CNTNAP2: variants seen among roughly 807,000 people sequenced by gnomAD.
The protein encoded by CNTNAP2 is contactin associated protein 2.
CNTNAP2 carries 98 observed loss-of-function variants against 155.2 expected under a neutral mutation model. The observed-to-expected ratio is 0.63, with a 90% CI of 0.54 to 0.75. The LOEUF is 0.75. CNTNAP2 is among the 30% of genes least tolerant of loss of function. The pLI is 0.00. For synonymous variants in CNTNAP2, 651 were observed against 631.2 expected (o/e 1.03, Z -0.47); for missense variants, 1,727 against 1,688.1 (o/e 1.02, Z -0.40).
At chr7:148,274,324 T>C (rs1796834008) in intron 21 of CNTNAP2, among the ~76,000 whole-genome samples, 1 of 151,956 alleles carries the variant, frequency 6.6e-6, no homozygotes, top group Non-Finnish European at 1.5e-5. Context: ...TGGCCTGTCC[T>C]GACTGAGGCA....
At chr7:146,986,237 G>A (rs1306467975) in intron 3 of CNTNAP2, among the ~76,000 whole-genome samples, 2 of 152,160 alleles carry the variant, frequency 1.3e-5, no homozygotes, top group African/African-American at 4.8e-5. Flanking sequence ...TCACTTATGA[G>A]AGAGAACATA....
intron 15 of CNTNAP2, among the ~76,000 whole-genome samples, chr7:148,018,000 T>C (rs1802209848): frequency 6.6e-6 from 1 of 152,244 alleles, no homozygotes; most frequent in South Asian, 2.1e-4. Flanking sequence ...CAAAACGCTT[T>C]CTGTTAAAAC....
rs779208613 is a variant in CNTNAP2 at position 146,839,840 on chromosome 7, A to G, written c.338A>G (p.Tyr113Cys). The G allele has an allele frequency of 2.9e-5, 47 of 1,614,048 alleles. No homozygotes were observed. The East Asian group carries it at 1.0e-3, about 34-fold the overall frequency. ...AGCAGCTCAGATTGGGTGACCCAATACCGGATGCTCTACAGCGACACAGGG... is the reference window on the plus strand; with the variant it reads ...AGCAGCTCAGATTGGGTGACCCAATGCCGGATGCTCTACAGCGACACAGGG... ...RYSSSDWVTQ[Y>C]RMLYSDTGRN... is the part of the protein sequence containing the mutation. Residue 113 changes from tyrosine (Y) to cysteine (C), a missense_variant, in exon 3 of 24, where the codon TAC becomes TGC. Tyr to Cys is a radical substitution (Grantham distance 194). Transcript: ENST00000361727.
intron 1 of CNTNAP2, among the ~76,000 whole-genome samples, chr7:146,604,803 T>A (rs1338191531): frequency 1.4e-5 from 2 of 144,736 alleles, no homozygotes; most frequent in East Asian, 4.1e-4. Context: ...AAATCATCAT[T>A]CTCAGTAAAC....
intron 11 of CNTNAP2, among the ~76,000 whole-genome samples, chr7:147,514,285 T>G (rs1336054325): frequency 6.6e-6 from 1 of 152,080 alleles, no homozygotes; most frequent in Non-Finnish European, 1.5e-5. Flanking sequence ...TATATAGATA[T>G]GGATATTATA....
rs1800958147 is a variant in CNTNAP2, at chr7:147,602,061, A to T, written c.1898-37045A>T. Among the ~76,000 whole-genome samples, 3 of 152,128 alleles carry T rather than the reference A, an allele frequency of 2.0e-5. No homozygotes were observed. The South Asian group carries it at 6.2e-4, about 31-fold the overall frequency. On this transcript the variant is annotated intron_variant, in intron 12 of 23. Coordinates refer to ENST00000361727, the MANE Select transcript of CNTNAP2 (RefSeq NM_014141.6). ...TAATTGTTGCAGTATCCTTCCATCAAGAGGTCCAAATGTCTACTTGTCGTT... is the reference window on the plus strand; with the variant it reads ...TAATTGTTGCAGTATCCTTCCATCATGAGGTCCAAATGTCTACTTGTCGTT...
chr7:148,183,171 A>T (rs1412746973), intron 18 of CNTNAP2, among the ~76,000 whole-genome samples: 1 of 152,248 alleles, frequency 6.6e-6, no homozygotes, highest in Non-Finnish European at 1.5e-5. Flanking sequence ...TGGAGGGGAT[A>T]GAACCAACTG....
At chr7:148,052,063 C>T (rs567949894) in intron 15 of CNTNAP2, among the ~76,000 whole-genome samples, 6 of 149,174 alleles carry the variant, frequency 4.0e-5, no homozygotes, top group Admixed American at 6.8e-5. Flanking sequence ...GGGGTGAACC[C>T]AGGAGGCGGA....
intron 13 of CNTNAP2, among the ~76,000 whole-genome samples, chr7:147,818,258 T>C (rs1798307039): frequency 6.6e-6 from 1 of 152,222 alleles, no homozygotes; most frequent in Non-Finnish European, 1.5e-5. Context: ...CTCAGGCCTA[T>C]GTTCATTGAT....
intron 1 of CNTNAP2, among the ~76,000 whole-genome samples, chr7:146,596,431 G>A (rs1354571734): frequency 1.3e-5 from 2 of 151,864 alleles, no homozygotes; most frequent in African/African-American, 4.8e-5. Context: ...CAGAAACATC[G>A]TGATTAGAAG....
chr7:147,752,469 C>T (rs1054518265), intron 13 of CNTNAP2, among the ~76,000 whole-genome samples: 1 of 152,122 alleles, frequency 6.6e-6, no homozygotes, highest in Non-Finnish European at 1.5e-5. Flanking sequence ...AAAATGGAAC[C>T]GTCGTTCATT....
intron 1 of CNTNAP2, among the ~76,000 whole-genome samples, chr7:146,391,724 T>G (rs567683591): frequency 1.3e-5 from 2 of 152,036 alleles, no homozygotes; most frequent in African/African-American, 4.8e-5. Context: ...TCCAGCTCCA[T>G]CTATTTCCCT....
chr7:146,655,397 G>C (rs1336786889), intron 1 of CNTNAP2, among the ~76,000 whole-genome samples: 1 of 116,220 alleles, frequency 8.6e-6, no homozygotes, highest in African/African-American at 3.4e-5. Flanking sequence ...CTTGGAGACA[G>C]AGTGAGACTC....
intron 1 of CNTNAP2, among the ~76,000 whole-genome samples, chr7:146,443,531 C>A (rs1160569409): frequency 1.3e-5 from 2 of 152,126 alleles, no homozygotes; most frequent in African/African-American, 4.8e-5. Context: ...CTTACTGCTC[C>A]CAGTATTTGC....
chr7:147,644,774 C>A (rs891374577), intron 13 of CNTNAP2, among the ~76,000 whole-genome samples: 6 of 152,128 alleles, frequency 3.9e-5, no homozygotes, highest in Admixed American at 1.3e-4. Flanking sequence ...AACTATTATG[C>A]TGCCATTAAA....
Position 147,712,560 on chromosome 7 carries a change from G to A in CNTNAP2, c.2098+73254G>A, listed in dbSNP as rs191387245. On this transcript the variant is annotated intron_variant, in intron 13 of 23. Transcript: ENST00000361727. Reference sequence around the variant, plus strand: ...GCACATATACACCGTGGAATACCACGCAGCCATAAAAAGGATGAGTTCATG... The same window carrying A: ...GCACATATACACCGTGGAATACCACACAGCCATAAAAAGGATGAGTTCATG... Among the ~76,000 whole-genome samples, 72 of 152,260 alleles carry A rather than the reference G, an allele frequency of 4.7e-4. 1 individual carries two copies. The highest frequency in any genetic ancestry group is 2.1e-3 in the South Asian group (10 of 4,828).
Position 147,351,392 on chromosome 7 carries a change from A to T in CNTNAP2, c.1499-44217A>T, listed in dbSNP as rs1241978010. Among the ~76,000 whole-genome samples the T allele has an allele frequency of 2.6e-5, 4 of 151,412 alleles. No individual in the cohort carries two copies. The Admixed American group carries it at 2.6e-4, about 10-fold the overall frequency. Reference sequence around the variant, plus strand: ...AATCCTAGAACAACGCATAGTTTATAAAAAAAATAGAAGGGGAGTAGGAAG... The same window carrying T: ...AATCCTAGAACAACGCATAGTTTATTAAAAAAATAGAAGGGGAGTAGGAAG... On this transcript the variant is annotated intron_variant, in intron 9 of 23. Coordinates refer to ENST00000361727, the MANE Select transcript of CNTNAP2 (RefSeq NM_014141.6).
chr7:146,425,551 G>A (rs1796075452), intron 1 of CNTNAP2, among the ~76,000 whole-genome samples: 2 of 152,290 alleles, frequency 1.3e-5, no homozygotes, highest in African/African-American at 4.8e-5. Flanking sequence ...TTTTTGCAGA[G>A]TGAGAAATTC....
At chr7:147,585,648 A>T (rs541855081) in intron 12 of CNTNAP2, among the ~76,000 whole-genome samples, 58 of 151,966 alleles carry the variant, frequency 3.8e-4, no homozygotes, top group African/African-American at 1.1e-3. Flanking sequence ...AAATACTTAT[A>T]ATCTCTCACC....
Sources: gnomAD v4.1 joint callset for allele counts (sites outside exome capture counted in the v4.1 genomes callset) on GRCh38, gnomAD v4.1.1 for gene constraint, MANE v1.5 for transcripts, NCBI Gene and HGNC (gene_info 2026-07-23, HGNC 2026-07-21) for gene names.